Variants in TRPV4 observed in about 807,000 individuals in gnomAD.
TRPV4 encodes the protein OSM9-like transient receptor potential channel 4.
In TRPV4, 58 loss-of-function variants were observed where a neutral mutation model predicts 84.1. The observed-to-expected ratio is 0.69, with a 90% confidence interval of 0.56 to 0.86. The LOEUF (loss-of-function observed/expected upper bound fraction) is 0.86, where lower values mean the gene tolerates loss of function less well. Ranked by LOEUF, TRPV4 falls within the 40% of genes least tolerant of loss-of-function variation. The probability of loss-of-function intolerance (pLI) is 0.00; values close to 1 mark genes in which losing one functional copy is unlikely to be tolerated. For synonymous variants in TRPV4, 489 were observed against 500.9 expected (o/e 0.98, Z 0.32); for missense variants, 879 against 1,181.1 (o/e 0.74, Z 3.75).
At chr12:109,810,294 G>A (rs985154518) in intron 2 of TRPV4, among the ~76,000 whole-genome samples, 14 of 152,196 alleles carry the variant, frequency 9.2e-5, no homozygotes, top group African/African-American at 2.9e-4. Context: ...ATGAATAAGA[G>A]ACTAAAGAGA....
Position 109,793,464 on chromosome 12 carries a change from G to T in TRPV4, c.1658+63C>A. The T allele has an allele frequency of 7.2e-7, 1 of 1,389,302 alleles. No individual in the cohort carries two copies. Among genetic ancestry groups the T allele is most frequent in the Non-Finnish European group, 1.0e-6 (1 of 976,232 alleles). The allele number at this position is 1,389,302 out of a possible 1,614,324, so 86.1% of individuals were successfully genotyped here. A position where few individuals can be genotyped will look rare whatever the true frequency, so the allele number is the denominator to read the frequency against. On this transcript the variant is annotated intron_variant, in intron 10 of 15. Coordinates refer to ENST00000261740, the MANE Select transcript of TRPV4 (RefSeq NM_021625.5). The surrounding 1 kb of genome is among the most constrained non-coding windows in gnomAD (Gnocchi z 4.0). ...AATCACCTCTCTCCTGAATCTGGACGACCTAGCAGCCCAAACCCACCTTCC... is the reference window on the plus strand; with the variant it reads ...AATCACCTCTCTCCTGAATCTGGACTACCTAGCAGCCCAAACCCACCTTCC...
chr12:109,804,698 C>T (rs910088936), intron 3 of TRPV4, among the ~76,000 whole-genome samples: 5 of 152,168 alleles, frequency 3.3e-5, no homozygotes, highest in African/African-American at 1.2e-4. Flanking sequence ...GTTGCTTTCC[C>T]GCTGTCCACC....
At chr12:109,795,737 T>TTTTGTTTG (rs545111350) in intron 7 of TRPV4, among the ~76,000 whole-genome samples, 3 of 151,892 alleles carry the variant, frequency 2.0e-5, no homozygotes, top group African/African-American at 7.3e-5. Context: ...AAGCTTGGTT[T>TTTTGTTTG]TTTGTTTGTT....
At chr12:109,797,344 G>A (rs1427718352) in intron 6 of TRPV4, among the ~76,000 whole-genome samples, 3 of 152,054 alleles carry the variant, frequency 2.0e-5, no homozygotes, top group African/African-American at 7.2e-5. Flanking sequence ...AGTAGAGACG[G>A]GGTTTCACCA....
intron 1 of TRPV4, chr12:109,832,591 G>T: frequency 6.6e-6 from 1 of 152,650 alleles, no homozygotes; most frequent in Non-Finnish European, 1.5e-5. Flanking sequence ...AAGGGCTTTG[G>T]GGCTGGATAG....
chr12:109,806,860 C>CAA (rs1181923346), intron 3 of TRPV4, among the ~76,000 whole-genome samples: 10 of 45,572 alleles, frequency 2.2e-4, no homozygotes, highest in East Asian at 6.7e-4. Context: ...GACCCTATCT[C>CAA]AAAAAAAAAA....
intron 12 of TRPV4, among the ~76,000 whole-genome samples, chr12:109,790,960 G>A (rs1347789237): frequency 6.6e-6 from 1 of 152,188 alleles, no homozygotes; most frequent in Admixed American, 6.5e-5. Flanking sequence ...CTCTAACCAA[G>A]TCCATACTAG....
At chr12:109,832,347 C>A (rs1565891483) in intron 1 of TRPV4, 1 of 152,346 alleles carries the variant, frequency 6.6e-6, no homozygotes, top group Admixed American at 6.5e-5. Flanking sequence ...GCCAAAGTGG[C>A]AAAGCTTAAA....
intron 3 of TRPV4, among the ~76,000 whole-genome samples, chr12:109,804,699 G>T (rs561731086): frequency 1.3e-5 from 2 of 152,098 alleles, no homozygotes; most frequent in African/African-American, 4.8e-5. Flanking sequence ...TTGCTTTCCC[G>T]CTGTCCACCT....
intron 3 of TRPV4, among the ~76,000 whole-genome samples, chr12:109,806,358 C>CTTTTTTTTTT (rs60159775): frequency 4.3e-5 from 5 of 115,552 alleles, no homozygotes; most frequent in African/African-American, 6.8e-5. Flanking sequence ...CTAAGCCTGG[C>CTTTTTTTTTT]TTTTTTTTTT....
chr12:109,794,852 C>T (rs560418376), intron 7 of TRPV4, among the ~76,000 whole-genome samples: 1 of 152,176 alleles, frequency 6.6e-6, no homozygotes, highest in South Asian at 2.1e-4. Context: ...ACCCTGTCTC[C>T]ACTAAAAACA....
At chr12:109,829,810 G>C (rs1342650965) in intron 1 of TRPV4, among the ~76,000 whole-genome samples, 1 of 152,332 alleles carries the variant, frequency 6.6e-6, no homozygotes, top group Non-Finnish European at 1.5e-5. Flanking sequence ...TTTAAGCCCA[G>C]GCCTGTCTGC....
In TRPV4 at chr12:109,802,992, T is replaced by G; in HGVS notation, c.711A>C (p.Arg237=). Reference sequence around the variant, plus strand: ...CCCCTGCCCAGCCCGGGGCCCCACCTCGATAGTAGATGTCACGGAAGGGCG... The same window carrying G: ...CCCCTGCCCAGCCCGGGGCCCCACCGCGATAGTAGATGTCACGGAAGGGCG... ...INSPFRDIYY[R]GQTALHIAIE... The change falls in exon 4 of 16, where the codon CGA becomes CGC. Residue 237 remains arginine (R), a splice_region_variant and synonymous_variant. Transcript: ENST00000261740. 1 of 1,613,770 alleles carries G rather than the reference T, an allele frequency of 6.2e-7. No individual in the cohort carries two copies. The highest frequency in any genetic ancestry group is 8.5e-7 in the Non-Finnish European group (1 of 1,179,978).
At chr12:109,804,727 C>T (rs942711366) in intron 3 of TRPV4, among the ~76,000 whole-genome samples, 24 of 152,170 alleles carry the variant, frequency 1.6e-4, no homozygotes, top group Non-Finnish European at 2.5e-4. Flanking sequence ...AGCTCAGAGG[C>T]GACACCAAAC....
chr12:109,788,575 A>G lies in TRPV4; in HGVS notation c.2033T>C (p.Ile678Thr). Residue 678 changes from isoleucine to threonine, a missense_variant, in exon 13 of 16, where the codon ATC becomes ACC. Transcript: ENST00000261740. Reference protein sequence around the residue: ...TFLLDLFKLTIGMGDLEMLSS... With the variant: ...TFLLDLFKLTTGMGDLEMLSS... Reference sequence around the variant, plus strand: ...CAGCATCTCCAGGTCGCCCATGCCGATGGTCAGCTTAAACAGGTCCAGGAG... The same window carrying G: ...CAGCATCTCCAGGTCGCCCATGCCGGTGGTCAGCTTAAACAGGTCCAGGAG... The G allele has an allele frequency of 6.2e-7, 1 of 1,614,248 alleles. No homozygotes were observed. The highest frequency in any genetic ancestry group is 8.5e-7 in the Non-Finnish European group (1 of 1,180,040).
chr12:109,783,413 G>C lies in TRPV4; in HGVS notation c.*208C>G. On this transcript the variant is annotated 3_prime_UTR_variant, in exon 16 of 16. Coordinates refer to ENST00000261740, the MANE Select transcript of TRPV4 (RefSeq NM_021625.5). The surrounding 1 kb of genome is among the most constrained non-coding windows in gnomAD (Gnocchi z 4.6). ...TGGCGTTGGCTTATGTGACTCCATA[G>C]GAGCAAGACAGGTGGCCGGGAGCCC... 1 of 609,176 alleles carries C rather than the reference G, an allele frequency of 1.6e-6. No homozygotes were observed. The highest frequency in any genetic ancestry group is 2.8e-6 in the Non-Finnish European group (1 of 356,458). The allele number at this position is 609,176 out of a possible 1,614,324, so 37.7% of individuals were successfully genotyped here. A position where few individuals can be genotyped will look rare whatever the true frequency, so the allele number is the denominator to read the frequency against.
Position 109,793,563 on chromosome 12 carries a change from T to C in TRPV4, c.1622A>G (p.Asn541Ser), listed in dbSNP as rs1481693921. 6.2e-7 allele frequency: 1 copy of C among 1,613,932 alleles called. No individual in the cohort carries two copies. The highest frequency in any genetic ancestry group is 1.3e-5 in the African/African-American group (1 of 74,962). Residue 541 changes from asparagine to serine, a missense_variant, in exon 10 of 16, where the codon AAT becomes AGT. Physicochemically the swap from Asn to Ser is conservative, Grantham distance 46. This residue lies in a region of TRPV4 where 521 missense variants were observed against 686.6 expected (regional missense o/e 0.76). Coordinates refer to ENST00000261740, the MANE Select transcript of TRPV4 (RefSeq NM_021625.5). The surrounding 1 kb of genome is among the most constrained non-coding windows in gnomAD (Gnocchi z 4.0). ...GAAGGAGCCATCAATGAAGAGAGAA[T>C]TCACTCCAGGGCATTTCTTCATGAA... ...DLFMKKCPGVNSLFIDGSFQL... is the reference protein window; with the variant it reads ...DLFMKKCPGVSSLFIDGSFQL...
intron 14 of TRPV4, among the ~76,000 whole-genome samples, chr12:109,785,278 G>A (rs1213590710): frequency 6.6e-6 from 1 of 152,094 alleles, no homozygotes; most frequent in Non-Finnish European, 1.5e-5. Flanking sequence ...GCTTCCCAAA[G>A]TGTTGGTATT....
chr12:109,833,219 C>G (rs1229187237), intron 1 of TRPV4, 131 bp downstream of exon 1: 1 of 152,360 alleles, frequency 6.6e-6, no homozygotes, highest in Non-Finnish European at 1.5e-5. Context: ...TGGTGCCTTC[C>G]GTCTCCCGCG....
Sources: allele counts gnomAD v4.1 joint callset (sites outside exome capture counted in the v4.1 genomes callset), GRCh38; gene constraint gnomAD v4.1.1; regional missense constraint gnomAD v4.1.1; non-coding constraint Gnocchi (gnomAD v3.1); transcripts MANE v1.5; gene names NCBI Gene and HGNC (gene_info 2026-07-23, HGNC 2026-07-21).